Variants in FAN1 observed in about 807,000 individuals in gnomAD.
FAN1 encodes fanconi-associated nuclease 1.
A neutral mutation model predicts 104.9 loss-of-function variants in FAN1; 91 were observed. That is an observed-to-expected ratio of 0.87 (90% confidence interval 0.73 to 1.03). The LOEUF is 1.03. FAN1 is among the 50% of genes least tolerant of loss of function. FAN1 has a pLI of 0.00. For synonymous variants in FAN1, 478 were observed against 457.6 expected, an observed-to-expected ratio of 1.04 and a Z score of -0.57; for missense variants, 1,263 against 1,239.9, an observed-to-expected ratio of 1.02 and a Z score of -0.28.
At chr15:30,935,190 C>T (rs2140966865) in intron 13 of FAN1, among the ~76,000 whole-genome samples, 1 of 151,944 alleles carries the variant, frequency 6.6e-6, no homozygotes, top group Middle Eastern at 3.4e-3. Context: ...CACTTGTAGT[C>T]CCAGCTGCTT....
intron 4 of FAN1, chr15:30,911,019 T>C (rs2062089712): frequency 6.3e-6 from 8 of 1,265,978 alleles, no homozygotes; most frequent in Non-Finnish European, 7.9e-6. Context: ...CGTACTAATT[T>C]CCAGGACCAA....
Position 30,905,125 on chromosome 15 carries a change from C to G in FAN1, c.462C>G (p.Ser154Arg), listed in dbSNP as rs1409987309. The G allele has an allele frequency of 6.2e-7, 1 of 1,613,806 alleles. No individual in the cohort carries two copies. Among genetic ancestry groups the G allele is most frequent in the South Asian group, 1.1e-5 (1 of 91,086 alleles). Reference sequence around the variant, plus strand: ...GTGTGAAAGTCATTTGTTTGGGAAGCCTAGCATCTAAATTGTCCAGAAAAT... The same window carrying G: ...GTGTGAAAGTCATTTGTTTGGGAAGGCTAGCATCTAAATTGTCCAGAAAAT... ...NRSVKVICLG[S>R]LASKLSRKYV... The change falls in exon 2 of 15, where the codon AGC becomes AGG. Residue 154 changes from serine (S) to arginine (R), a missense_variant. Around this residue, in one of 2 missense-constraint regions of FAN1, gnomAD observed 682 missense variants for 571.1 expected, o/e 1.19. Coordinates refer to ENST00000362065, the MANE Select transcript of FAN1 (RefSeq NM_014967.5).
At position 30,904,796 on chromosome 15, in the gene FAN1, C is replaced by T; in HGVS notation, c.133C>T (p.Pro45Ser). Residue 45 changes from proline to serine, a missense_variant, in exon 2 of 15, where the codon CCC (proline) becomes TCC (serine). Physicochemically the swap from Pro to Ser is moderately conservative, Grantham distance 74. This residue lies in a region of FAN1 where 682 missense variants were observed against 571.1 expected (regional missense o/e 1.19). Coordinates refer to ENST00000362065, the MANE Select transcript of FAN1 (RefSeq NM_014967.5). ...TGCACCACCTGCTAAACTTGCCTGC[C>T]CCGTTTGCAGTAAAATGGTGCCTAG... is the stretch of plus-strand genomic sequence containing the variant. Reference protein sequence around the residue: ...NNAPPAKLACPVCSKMVPRYD... With the variant: ...NNAPPAKLACSVCSKMVPRYD... The T allele has an allele frequency of 1.9e-6, 3 of 1,613,620 alleles. No homozygotes were observed. Among genetic ancestry groups the T allele is most frequent in the South Asian group, 1.1e-5 (1 of 91,072 alleles).
intron 13 of FAN1, among the ~76,000 whole-genome samples, chr15:30,931,351 A>C (rs1166484735): frequency 6.6e-6 from 1 of 152,172 alleles, no homozygotes; most frequent in Non-Finnish European, 1.5e-5. Flanking sequence ...GTCCTTTATC[A>C]GTGACATTTC....
chr15:30,930,768 T>C lies in FAN1; in HGVS notation c.2916+97T>C, dbSNP rs976578682. ...ATTTCTTGAGTGGCTGTTGGCAAGA[T>C]TGAATTCCTTGAGAGCTTTTGGGCC... On this transcript the variant is annotated intron_variant, in intron 13 of 14. Coordinates refer to ENST00000362065, the MANE Select transcript of FAN1 (RefSeq NM_014967.5). 28 of 1,450,698 alleles carry C rather than the reference T, an allele frequency of 1.9e-5. No homozygotes were observed. In the Admixed American group the frequency reaches 2.1e-4, roughly 11 times the overall value. The allele number at this position is 1,450,698 out of a possible 1,614,324, so 89.9% of individuals were successfully genotyped here.
At chr15:30,927,565 C>CT in intron 10 of FAN1, 1 of 985,712 alleles carries the variant, frequency 1.0e-6, no homozygotes, top group Non-Finnish European at 1.2e-6. Context: ...CACAGCACCC[C>CT]TGATCCCACT....
At position 30,904,854 on chromosome 15, in the gene FAN1, G is replaced by A; in HGVS notation, c.191G>A (p.Cys64Tyr). ...TTAAACCGGCACCTTGATGAAATGT[G>A]TGCTAACAATGACTTCGTTCAAGTG... Reference protein sequence around the residue: ...YDLNRHLDEMCANNDFVQVDP... With the variant: ...YDLNRHLDEMYANNDFVQVDP... Residue 64 changes from cysteine (C) to tyrosine (Y), a missense_variant, in exon 2 of 15, where the codon TGT becomes TAT. Coordinates refer to ENST00000362065, the MANE Select transcript of FAN1 (RefSeq NM_014967.5). The A allele has an allele frequency of 6.2e-7, 1 of 1,613,494 alleles. No homozygotes were observed. Among genetic ancestry groups the A allele is most frequent in the Non-Finnish European group, 8.5e-7 (1 of 1,179,456 alleles).
intron 14 of FAN1, among the ~76,000 whole-genome samples, 187 bp downstream of exon 14, chr15:30,937,446 AC>A (rs2062888944): frequency 2.2e-5 from 3 of 135,520 alleles, no homozygotes; most frequent in Non-Finnish European, 1.5e-5. Context: ...TGGGTAATAA[AC>A]TTTTTTTTTT....
intron 13 of FAN1, among the ~76,000 whole-genome samples, chr15:30,936,202 T>C (rs1398313617): frequency 6.6e-6 from 1 of 152,180 alleles, no homozygotes; most frequent in East Asian, 1.9e-4. Context: ...GTAGTATATA[T>C]TTTTATCTTA....
chr15:30,940,573 C>A lies in FAN1; in HGVS notation c.*4-993C>A, dbSNP rs1005420820. 49 of 985,454 alleles carry A rather than the reference C, an allele frequency of 5.0e-5. No homozygotes were observed. In the East Asian group the frequency reaches 6.8e-4, roughly 14 times the overall value. 61.0% of individuals were successfully genotyped at this position (985,454 alleles called of 1,614,324 possible). The stretch of plus-strand genomic sequence containing the variant: ...CAAGCCCAGCACGCCTCCCAGCAAG[C>A]CTTGTTTGTTTTTGAGGGCGAGTTT... On this transcript the variant is annotated intron_variant, in intron 14 of 14. Coordinates refer to ENST00000362065, the MANE Select transcript of FAN1 (RefSeq NM_014967.5).
intron 14 of FAN1, 40 bp from the exon 15 acceptor site, chr15:30,941,526 A>AT (rs1433895886): frequency 6.2e-7 from 1 of 1,610,790 alleles, no homozygotes; most frequent in South Asian, 1.1e-5. Flanking sequence ...CCACTTAAAA[A>AT]TTTGCTTAAT....
chr15:30,929,912 A>G (rs1335698041), intron 12 of FAN1, among the ~76,000 whole-genome samples: 1 of 36,546 alleles, frequency 2.7e-5, no homozygotes, highest in Non-Finnish European at 5.3e-5. Context: ...TAAAATATAT[A>G]ATATATATCA....
At chr15:30,908,307 T>C in intron 3 of FAN1, 49 bp downstream of exon 3, 1 of 1,480,356 alleles carries the variant, frequency 6.8e-7, no homozygotes, top group Non-Finnish European at 9.1e-7. Context: ...TCTGAAGAAC[T>C]GAGCTTCTGC....
chr15:30,920,420 A>G, intron 6 of FAN1, 125 bp from the exon 7 acceptor site: 1 of 674,416 alleles, frequency 1.5e-6, no homozygotes, highest in South Asian at 1.8e-5. Context: ...AATTGTACAC[A>G]ACTGAAAGTA....
At chr15:30,924,470 G>C (rs2062410123) in intron 8 of FAN1, among the ~76,000 whole-genome samples, 2 of 152,122 alleles carry the variant, frequency 1.3e-5, no homozygotes, top group South Asian at 4.1e-4. Context: ...GAGGTTTCTG[G>C]TTTCTCTACC....
intron 14 of FAN1, chr15:30,939,245 A>G (rs1595895807): frequency 4.1e-6 from 4 of 985,482 alleles, no homozygotes; most frequent in Non-Finnish European, 4.8e-6. Flanking sequence ...ATAAAATAAC[A>G]GCAAGACACT....
rs2061929030 is a variant in FAN1 at position 30,904,647 on chromosome 15, C to T, written c.-17C>T. ...CCTGTGTTTTATTGCTCAGAACATC[C>T]AGTTTTTCTAATACTCATGATGTCA... On this transcript the variant is annotated 5_prime_UTR_variant, in exon 2 of 15. An upstream open reading frame in the 5' UTR gains an earlier in-frame stop. Transcript: ENST00000362065. 5.6e-6 allele frequency: 9 copies of T among 1,607,588 alleles called. No homozygotes were observed. The highest frequency in any genetic ancestry group is 5.9e-6 in the Non-Finnish European group (7 of 1,177,464).
At chr15:30,924,882 TG>T (rs1282080088) in intron 8 of FAN1, among the ~76,000 whole-genome samples, 3 of 152,206 alleles carry the variant, frequency 2.0e-5, no homozygotes, top group Admixed American at 1.3e-4. Context: ...TGGGATCCAC[TG>T]TCCACCTGGA....
At position 30,922,094 on chromosome 15, in the gene FAN1, CAGTT is replaced by C. The variant is rs1466759699; in HGVS notation, c.2053-140_2053-137del. The C allele has an allele frequency of 2.8e-6, 3 of 1,056,138 alleles. No individual in the cohort carries two copies. The African/African-American group carries it at 4.8e-5, about 17-fold the overall frequency. 65.4% of individuals were successfully genotyped at this position (1,056,138 alleles called of 1,614,324 possible). A position where few individuals can be genotyped will look rare whatever the true frequency, so the allele number is the denominator to read the frequency against. Reference sequence around the variant, plus strand: ...AGGCACCTCAAAGTCCCTGTCCTGTCAGTTCGGGGTCCTTGGCCTCATTGTAGAA... The same window carrying C: ...AGGCACCTCAAAGTCCCTGTCCTGTCCGGGGTCCTTGGCCTCATTGTAGAA... On this transcript the variant is annotated intron_variant, in intron 7 of 14. Coordinates refer to ENST00000362065, the MANE Select transcript of FAN1 (RefSeq NM_014967.5).
Sources: allele counts gnomAD v4.1 joint callset (sites outside exome capture counted in the v4.1 genomes callset), GRCh38; gene constraint gnomAD v4.1.1; regional missense constraint gnomAD v4.1.1; transcripts MANE v1.5; gene names NCBI Gene and HGNC (gene_info 2026-07-23, HGNC 2026-07-21).